The following CDH20 variants were observed in gnomAD, a reference collection of about 807,000 sequenced individuals.
CDH20 encodes cadherin-20.
In CDH20, 29 loss-of-function variants were observed where a neutral mutation model predicts 74.2. The ratio of observed to expected loss-of-function variants is 0.39; its 90% CI spans 0.29 to 0.53. CDH20 has a LOEUF of 0.53. Among genes scored for constraint, CDH20 ranks in the 20% least tolerant of loss-of-function variants. CDH20 has a pLI of 0.69. For synonymous variants in CDH20, 469 were observed against 405.4 expected (o/e 1.16, Z -1.88); for missense variants, 988 against 1,048.3 (o/e 0.94, Z 0.79).
chr18:61,361,711 G>T (rs564477659), intron 1 of CDH20, among the ~76,000 whole-genome samples: 36 of 152,202 alleles, frequency 2.4e-4, no homozygotes, highest in African/African-American at 8.4e-4. Flanking sequence ...TGTCTGTTAA[G>T]TCTAAAAATA....
At chr18:61,385,268 T>C (rs996947832) in intron 1 of CDH20, among the ~76,000 whole-genome samples, 1 of 152,106 alleles carries the variant, frequency 6.6e-6, no homozygotes, top group Non-Finnish European at 1.5e-5. Context: ...TATGTGAGAC[T>C]GTCAGTAAGC....
chr18:61,383,384 C>A (rs2144184920), intron 1 of CDH20, among the ~76,000 whole-genome samples: 1 of 152,078 alleles, frequency 6.6e-6, no homozygotes, highest in African/African-American at 2.4e-5. Context: ...AGTACAAGAC[C>A]AGCCTGGCCA....
intron 1 of CDH20, among the ~76,000 whole-genome samples, chr18:61,375,684 A>G (rs1911197618): frequency 1.3e-5 from 2 of 152,192 alleles, no homozygotes; most frequent in Non-Finnish European, 2.9e-5. Context: ...AGTGTCACCC[A>G]TTACCCCGTT....
intron 1 of CDH20, among the ~76,000 whole-genome samples, chr18:61,439,648 TTAGCCTACAG>T (rs1296707850): frequency 2.0e-5 from 3 of 152,218 alleles, no homozygotes; most frequent in Admixed American, 2.0e-4. Flanking sequence ...AGAGTGCATA[TTAGCCTACAG>T]TAGCACATAT....
At chr18:61,391,947 C>T (rs1911799024) in intron 1 of CDH20, among the ~76,000 whole-genome samples, 1 of 152,172 alleles carries the variant, frequency 6.6e-6, no homozygotes. Flanking sequence ...TCCTCTCTCT[C>T]CTGGTCCTCC....
chr18:61,447,010 C>T (rs552012027), intron 1 of CDH20, among the ~76,000 whole-genome samples: 68 of 152,266 alleles, frequency 4.5e-4, no homozygotes, highest in Middle Eastern at 6.8e-3. Flanking sequence ...AGTATCTGCC[C>T]CAACCACTGG....
chr18:61,517,942 G>A (rs1446133806), intron 6 of CDH20, among the ~76,000 whole-genome samples: 3 of 152,076 alleles, frequency 2.0e-5, no homozygotes, highest in Admixed American at 6.5e-5. Context: ...AGGGAGGGGG[G>A]TCCACCATTA....
chr18:61,472,753 G>C (rs370428604), intron 1 of CDH20, among the ~76,000 whole-genome samples: 2 of 152,318 alleles, frequency 1.3e-5, no homozygotes, highest in East Asian at 3.9e-4. Flanking sequence ...GTAGTCACTA[G>C]TGCCCGTTAA....
intron 2 of CDH20, among the ~76,000 whole-genome samples, chr18:61,496,381 C>T (rs928154841): frequency 6.7e-6 from 1 of 150,256 alleles, no homozygotes; most frequent in African/African-American, 2.5e-5. Context: ...TGGAAAGCTG[C>T]TCCTAGCTCT....
intron 8 of CDH20, 64 bp downstream of exon 8, chr18:61,536,693 G>A: frequency 2.1e-6 from 3 of 1,446,444 alleles, no homozygotes; most frequent in Non-Finnish European, 2.9e-6. Flanking sequence ...GAAAGTGGAA[G>A]TTTCTAGAAC....
intron 1 of CDH20, among the ~76,000 whole-genome samples, chr18:61,374,864 C>T (rs1911164173): frequency 6.6e-6 from 1 of 152,088 alleles, no homozygotes; most frequent in Admixed American, 6.6e-5. Flanking sequence ...TGGGCACAAC[C>T]TCTTATTTTA....
At chr18:61,346,112 C>T (rs563410517) in intron 1 of CDH20, among the ~76,000 whole-genome samples, 3 of 152,184 alleles carry the variant, frequency 2.0e-5, no homozygotes, top group Admixed American at 2.0e-4. Flanking sequence ...CTTTAGAAGT[C>T]ATTGGCTAGG....
intron 1 of CDH20, chr18:61,334,304 G>C (rs1262740932): frequency 1.3e-5 from 2 of 152,188 alleles, no homozygotes; most frequent in Non-Finnish European, 2.9e-5. Flanking sequence ...CAGAGAGCCA[G>C]GCTCCGGGGA....
chr18:61,347,511 C>T (rs1027512553), intron 1 of CDH20, among the ~76,000 whole-genome samples: 33 of 149,902 alleles, frequency 2.2e-4, no homozygotes, highest in Non-Finnish European at 3.7e-4. Context: ...TGGAGTGACA[C>T]CCTGCCTCAG....
chr18:61,449,513 T>C (rs892951665), intron 1 of CDH20, among the ~76,000 whole-genome samples: 1 of 152,062 alleles, frequency 6.6e-6, no homozygotes, highest in East Asian at 1.9e-4. Context: ...TGGCATCCGA[T>C]AGCCATGTAC....
chr18:61,440,150 C>T (rs992964403), intron 1 of CDH20, among the ~76,000 whole-genome samples: 1 of 152,120 alleles, frequency 6.6e-6, no homozygotes, highest in Non-Finnish European at 1.5e-5. Flanking sequence ...TGCAGAGCCT[C>T]GAGTAGTGTA....
rs147535571 is a variant in CDH20, at chr18:61,509,713, C to T, written c.1017+2153C>T. ...AATACTCAGTAGGCTGTGTTGAGGT[C>T]AGGGGAGTTTAAGGAGAAAAGGACA... On this transcript the variant is annotated intron_variant, in intron 6 of 11. Coordinates refer to ENST00000262717, the MANE Select transcript of CDH20 (RefSeq NM_031891.4). 2.6e-3 allele frequency among the ~76,000 whole-genome samples: 397 copies of T among 152,088 alleles called. 1 individual carries two copies. The highest frequency in any genetic ancestry group is 8.8e-3 in the African/African-American group (367 of 41,484).
chr18:61,469,187 G>A (rs913658944), intron 1 of CDH20, among the ~76,000 whole-genome samples: 2 of 152,116 alleles, frequency 1.3e-5, no homozygotes, highest in African/African-American at 4.8e-5. Context: ...CTCTGCTTCA[G>A]ATCAGAACAA....
intron 1 of CDH20, among the ~76,000 whole-genome samples, chr18:61,408,204 TG>T (rs1026720160): frequency 5.3e-5 from 8 of 151,886 alleles, no homozygotes; most frequent in South Asian, 2.1e-4. Flanking sequence ...AGGAGGCTAA[TG>T]AAAAAAAATG....
Sources: gnomAD v4.1 joint callset for allele counts (sites outside exome capture counted in the v4.1 genomes callset) on GRCh38, gnomAD v4.1.1 for gene constraint, MANE v1.5 for transcripts, NCBI Gene and HGNC (gene_info 2026-07-23, HGNC 2026-07-21) for gene names.